PALD1: variants seen among roughly 807,000 people sequenced by gnomAD.
PALD1 encodes paladin.
In PALD1, 57 loss-of-function variants were observed where a neutral mutation model predicts 96.0. That is an observed-to-expected ratio of 0.59 (90% CI 0.48 to 0.74). PALD1 has a LOEUF of 0.74. PALD1 is among the 30% of genes least tolerant of loss of function. PALD1 has a pLI of 0.00. For synonymous variants in PALD1, 464 were observed against 473.6 expected (o/e 0.98, Z 0.26); for missense variants, 1,063 against 1,143.7 (o/e 0.93, Z 1.02).
At chr10:70,556,302 C>CTG (rs1554862649) in intron 18 of PALD1, among the ~76,000 whole-genome samples, 2 of 137,320 alleles carry the variant, frequency 1.5e-5, no homozygotes, top group African/African-American at 3.2e-5. Context: ...CTCTCTCTCT[C>CTG]TCTCTGTCTC....
Position 70,539,121 on chromosome 10 carries a change from G to A in PALD1, c.1599G>A (p.Thr533=), listed in dbSNP as rs760266389. 5.7e-5 allele frequency: 92 copies of A among 1,613,766 alleles called. No individual in the cohort carries two copies. Among genetic ancestry groups the A allele is most frequent in the Non-Finnish European group, 7.5e-5 (88 of 1,179,914 alleles). Residue 533 remains threonine (T), a synonymous_variant, in exon 14 of 20, where the codon ACG becomes ACA. Coordinates refer to ENST00000263563, the MANE Select transcript of PALD1 (RefSeq NM_014431.3). The surrounding 1 kb of genome is among the most constrained non-coding windows in gnomAD (Gnocchi z 4.5). ...TGGGGAGCATCCTGGCCTACCTGAC[G>A]GACGCCAAGAGGAGGCTGCGGAAGG... is the stretch of plus-strand genomic sequence containing the variant. ...KALGSILAYL[T]DAKRRLRKVV...
chr10:70,465,463 G>C, the PALD1 span, among the ~76,000 whole-genome samples: 4 of 152,168 alleles, frequency 2.6e-5, no homozygotes, highest in African/African-American at 9.7e-5. Context: ...AGGGAGGGAG[G>C]AGGAGAGAAT....
intron 1 of PALD1, among the ~76,000 whole-genome samples, chr10:70,522,034 A>G (rs1846747231): frequency 1.3e-5 from 2 of 152,232 alleles, no homozygotes; most frequent in Admixed American, 1.3e-4. Flanking sequence ...TTATTGCACT[A>G]ATAAGATAAC....
At chr10:70,459,691 C>T in the PALD1 span, among the ~76,000 whole-genome samples, 1 of 152,226 alleles carries the variant, frequency 6.6e-6, no homozygotes. Flanking sequence ...CTCTGGGACT[C>T]AGCTGTCCTC....
At chr10:70,470,186 A>G in the PALD1 span, among the ~76,000 whole-genome samples, 2 of 152,160 alleles carry the variant, frequency 1.3e-5, no homozygotes, top group Non-Finnish European at 2.9e-5. Context: ...CTGCTTTAAA[A>G]CACTCCAACA....
At chr10:70,554,550 C>G (rs1322780960) in intron 18 of PALD1, among the ~76,000 whole-genome samples, 1 of 152,178 alleles carries the variant, frequency 6.6e-6, no homozygotes, top group Non-Finnish European at 1.5e-5. Context: ...TGAGGAGAAT[C>G]CAACATGGCC....
the PALD1 span, among the ~76,000 whole-genome samples, chr10:70,464,013 G>A: frequency 6.6e-6 from 1 of 152,094 alleles, no homozygotes; most frequent in Non-Finnish European, 1.5e-5. Context: ...GAGTTTTCAC[G>A]CATGCGTTTG....
At chr10:70,543,761 C>G (rs1847303165) in intron 17 of PALD1, among the ~76,000 whole-genome samples, 1 of 152,126 alleles carries the variant, frequency 6.6e-6, no homozygotes, top group Non-Finnish European at 1.5e-5. Flanking sequence ...ATGGTCAGGC[C>G]TCTCCTTCTT....
At position 70,514,293 on chromosome 10, in the gene PALD1, C is replaced by G. The variant is rs954627881; in HGVS notation, c.-29-11630C>G. Among the ~76,000 whole-genome samples the G allele has an allele frequency of 4.6e-5, 7 of 152,188 alleles. No individual in the cohort carries two copies. In the East Asian group the frequency reaches 1.2e-3, roughly 25 times the overall value. ...AAGGCTGGAAGTCAGGGCTGCCCCC[C>G]GCAGTGGCAGCCCCGCCTGCAGAGC... On this transcript the variant is annotated intron_variant, in intron 1 of 19. Coordinates refer to ENST00000263563, the MANE Select transcript of PALD1 (RefSeq NM_014431.3).
chr10:70,464,939 TTGTA>T, the PALD1 span, among the ~76,000 whole-genome samples: 15,395 of 142,086 alleles, frequency 0.11, 1,022 homozygotes, highest in East Asian at 0.38. Flanking sequence ...CTATGTACAC[TTGTA>T]TGTATGTATG....
Position 70,540,167 on chromosome 10 carries a change from T to C in PALD1, c.1908+405T>C, listed in dbSNP as rs1847213457. On this transcript the variant is annotated intron_variant, in intron 15 of 19. Transcript: ENST00000263563. This position sits in a 1 kb window ranked among gnomAD's most constrained non-coding sequence, Gnocchi z 4.2. ...GTGTGTGTGTATTCTGTTACAGGTG[T>C]GTGTGTGTATTTGTTATAAGGTGTG... Among the ~76,000 whole-genome samples, 1 of 151,744 alleles carries C rather than the reference T, an allele frequency of 6.6e-6. No homozygotes were observed. The highest frequency in any genetic ancestry group is 1.5e-5 in the Non-Finnish European group (1 of 67,896).
chr10:70,534,241 G>A (rs954233730), intron 8 of PALD1, among the ~76,000 whole-genome samples, 168 bp downstream of exon 8: 3 of 152,236 alleles, frequency 2.0e-5, no homozygotes, highest in Non-Finnish European at 4.4e-5. Flanking sequence ...CCTGGAGAAA[G>A]TCACCTGACC....
chr10:70,499,924 G>A (rs1307184391), intron 1 of PALD1, among the ~76,000 whole-genome samples: 1 of 152,236 alleles, frequency 6.6e-6, no homozygotes, highest in Non-Finnish European at 1.5e-5. Flanking sequence ...TTGGAGAAAT[G>A]ATATGGCAGT....
intron 18 of PALD1, among the ~76,000 whole-genome samples, chr10:70,554,692 G>A (rs537216217): frequency 5.3e-4 from 80 of 151,952 alleles, no homozygotes; most frequent in African/African-American, 1.8e-3. Context: ...TAATGCCAGC[G>A]ACACTTTTCC....
chr10:70,521,742 G>A (rs557418326), intron 1 of PALD1, among the ~76,000 whole-genome samples: 72 of 151,738 alleles, frequency 4.7e-4, no homozygotes, highest in African/African-American at 1.4e-3. Flanking sequence ...CCATGTTGGC[G>A]AGGCTGGTCT....
intron 18 of PALD1, among the ~76,000 whole-genome samples, chr10:70,559,103 C>A (rs541774443): frequency 3.7e-4 from 56 of 152,248 alleles, no homozygotes; most frequent in African/African-American, 1.3e-3. Flanking sequence ...GTCCCGCCAG[C>A]CTTACCCCTT....
chr10:70,529,822 A>C, intron 3 of PALD1, 67 bp from the exon 4 acceptor site: 5 of 1,392,538 alleles, frequency 3.6e-6, no homozygotes, highest in Non-Finnish European at 5.0e-6. Context: ...AGCCCAGGAC[A>C]GAGCTCCATC....
At chr10:70,528,421 C>A (rs575144231) in intron 2 of PALD1, among the ~76,000 whole-genome samples, 1 of 151,948 alleles carries the variant, frequency 6.6e-6, no homozygotes, top group Non-Finnish European at 1.5e-5. Context: ...TAAGCACTTA[C>A]AATCATTAGC....
Position 70,534,019 on chromosome 10 carries a change from T to TGGTCCTGGGCAC in PALD1, c.969_980dup (p.Val324_Thr327dup), listed in dbSNP as rs1372095814. Reference sequence around the variant, plus strand: ...GGCGTGGGCAGGACCAACCTGGGCATGGTCCTGGGCACCCTCATCCTGCTT... The same window carrying TGGTCCTGGGCAC: ...GGCGTGGGCAGGACCAACCTGGGCATGGTCCTGGGCACGGTCCTGGGCACCCTCATCCTGCTT... On this transcript the variant is annotated inframe_insertion, in exon 8 of 20. Transcript: ENST00000263563. 1 of 1,612,980 alleles carries TGGTCCTGGGCAC rather than the reference T, an allele frequency of 6.2e-7. No individual in the cohort carries two copies. Among genetic ancestry groups the TGGTCCTGGGCAC allele is most frequent in the Non-Finnish European group, 8.5e-7 (1 of 1,179,562 alleles).
Sources: allele counts gnomAD v4.1 joint callset (sites outside exome capture counted in the v4.1 genomes callset), GRCh38; gene constraint gnomAD v4.1.1; non-coding constraint Gnocchi (gnomAD v3.1); transcripts MANE v1.5; gene names NCBI Gene and HGNC (gene_info 2026-07-23, HGNC 2026-07-21).